Variants in CTNND2 observed in about 807,000 individuals in gnomAD.
CTNND2 encodes catenin delta 2.
Under a neutral mutation model 144.4 loss-of-function variants are expected in CTNND2, and 22 were observed. That is an observed-to-expected ratio of 0.15 (90% CI 0.11 to 0.22). The LOEUF is 0.22. Among genes scored for constraint, CTNND2 ranks in the 10% least tolerant of loss-of-function variants. The probability of loss-of-function intolerance (pLI) is 1.00; values close to 1 mark genes in which losing one functional copy is unlikely to be tolerated. For synonymous variants in CTNND2, 751 were observed against 695.6 expected (o/e 1.08, Z -1.25); for missense variants, 1,353 against 1,618.8 (o/e 0.84, Z 2.82).
In CTNND2 at chr5:11,247,257, T is replaced by C. The variant is rs572751504; in HGVS notation, c.1629-10434A>G. On this transcript the variant is annotated intron_variant, in intron 9 of 21. Transcript: ENST00000304623. ...TCAGCCCCAGCAGGGACAGAGGGTG[T>C]TGAGAAGCACGGGCAGTCTGGATGC... is the stretch of plus-strand genomic sequence containing the variant. 6.6e-5 allele frequency among the ~76,000 whole-genome samples: 10 copies of C among 152,192 alleles called. 1 individual carries two copies. In the East Asian group the frequency reaches 1.9e-3, roughly 29 times the overall value.
chr5:11,296,549 C>T (rs542119555), intron 9 of CTNND2, among the ~76,000 whole-genome samples: 4 of 152,254 alleles, frequency 2.6e-5, no homozygotes, highest in African/African-American at 7.2e-5. Context: ...TTTACTGCGG[C>T]ACTATTCACA....
intron 3 of CTNND2, among the ~76,000 whole-genome samples, chr5:11,563,369 T>G (rs1314689855): frequency 6.6e-6 from 1 of 152,234 alleles, no homozygotes; most frequent in East Asian, 1.9e-4. Context: ...GCTTTTCAAG[T>G]GTTCAGCTTT....
intron 10 of CTNND2, among the ~76,000 whole-genome samples, chr5:11,226,282 G>C (rs887914622): frequency 2.6e-5 from 4 of 152,300 alleles, no homozygotes; most frequent in African/African-American, 9.6e-5. Context: ...ACTTCTCAGA[G>C]ATGGCTTTCC....
At chr5:11,379,858 T>C (rs1261829993) in intron 7 of CTNND2, among the ~76,000 whole-genome samples, 1 of 152,162 alleles carries the variant, frequency 6.6e-6, no homozygotes, top group Non-Finnish European at 1.5e-5. Context: ...GCTAAGTCCA[T>C]TACAGTGGGA....
intron 12 of CTNND2, among the ~76,000 whole-genome samples, chr5:11,140,698 A>G (rs1390004740): frequency 6.6e-6 from 1 of 152,202 alleles, no homozygotes; most frequent in African/African-American, 2.4e-5. Context: ...TGTGCAATGG[A>G]AAGAAGGATC....
Position 11,526,425 on chromosome 5 carries a change from G to A in CTNND2, c.287+38519C>T, listed in dbSNP as rs152780. 8.9e-3 allele frequency among the ~76,000 whole-genome samples: 1,349 copies of A among 152,210 alleles called. 13 individuals are homozygous for A. Among genetic ancestry groups the A allele is most frequent in the African/African-American group, 0.024 (988 of 41,526 alleles). On this transcript the variant is annotated intron_variant, in intron 3 of 21. Transcript: ENST00000304623. ...CAAGTCGCAGTTTCCGGAACCTATC[G>A]ATGACGTTAAGTGTGCACCTGCTGT...
chr5:11,842,049 G>T (rs2400099), intron 1 of CTNND2, among the ~76,000 whole-genome samples: 8,601 of 152,016 alleles, frequency 0.057, 755 homozygotes, highest in African/African-American at 0.19. Flanking sequence ...TTCCACACTG[G>T]CTGATCTTGT....
intron 1 of CTNND2, among the ~76,000 whole-genome samples, chr5:11,897,899 G>A (rs1378581083): frequency 2.6e-5 from 4 of 152,304 alleles, no homozygotes; most frequent in Non-Finnish European, 4.4e-5. Context: ...TCAGGCAAAG[G>A]GAACTTAATT....
chr5:11,579,757 CT>C (rs1778271590), intron 2 of CTNND2, among the ~76,000 whole-genome samples: 1 of 152,126 alleles, frequency 6.6e-6, no homozygotes. Context: ...TTGTTTATGC[CT>C]TTTTAGGAAC....
intron 9 of CTNND2, among the ~76,000 whole-genome samples, chr5:11,294,177 CA>C (rs34764407): frequency 0.6 from 80,337 of 132,998 alleles, 23,047 homozygotes; most frequent in East Asian, 0.82. Context: ...GTCACAATCT[CA>C]AAAAAAAAAA....
intron 2 of CTNND2, among the ~76,000 whole-genome samples, chr5:11,634,644 G>A (rs1198090503): frequency 6.6e-6 from 1 of 152,146 alleles, no homozygotes; most frequent in Non-Finnish European, 1.5e-5. Flanking sequence ...GTAGGTGGCA[G>A]TTGCACAAAA....
At chr5:11,421,506 A>T (rs1360108839) in intron 3 of CTNND2, among the ~76,000 whole-genome samples, 1 of 152,196 alleles carries the variant, frequency 6.6e-6, no homozygotes, top group East Asian at 1.9e-4. Flanking sequence ...CATGTTGTTC[A>T]AATGGCTTAT....
intron 1 of CTNND2, among the ~76,000 whole-genome samples, chr5:11,799,508 A>C (rs115145078): frequency 7.2e-5 from 11 of 152,118 alleles, no homozygotes; most frequent in African/African-American, 2.4e-4. Context: ...GCTTTTTATC[A>C]ACTTCTACTC....
At chr5:11,239,938 G>A (rs1441929988) in intron 9 of CTNND2, among the ~76,000 whole-genome samples, 2 of 152,168 alleles carry the variant, frequency 1.3e-5, no homozygotes. Flanking sequence ...GGTCATCTTT[G>A]TCAGCTGGCT....
intron 10 of CTNND2, among the ~76,000 whole-genome samples, chr5:11,213,990 T>C (rs1156244480): frequency 1.3e-5 from 2 of 152,202 alleles, no homozygotes; most frequent in Non-Finnish European, 2.9e-5. Context: ...AATTTAAAGC[T>C]TGTAGCGTTA....
rs1376973434 is a variant in CTNND2 at position 11,030,919 on chromosome 5, TG to T, written c.2789-7941del. ...CAGATTCTTCCTCTTTTCCAGGGTT[TG>T]TAATTTTTTGTTTTTGTTTTGTTTT... On this transcript the variant is annotated intron_variant, in intron 16 of 21. Transcript: ENST00000304623. 4.6e-5 allele frequency among the ~76,000 whole-genome samples: 7 copies of T among 152,276 alleles called. No homozygotes were observed. The East Asian group carries it at 1.4e-3, about 29-fold the overall frequency.
At chr5:11,699,930 T>C (rs116590557) in intron 2 of CTNND2, among the ~76,000 whole-genome samples, 1,726 of 152,330 alleles carry the variant, frequency 0.011, 31 homozygotes, top group African/African-American at 0.04. Flanking sequence ...TCTTTTGTAG[T>C]AGAGGGAGTC....
intron 11 of CTNND2, among the ~76,000 whole-genome samples, chr5:11,194,966 C>A (rs189736589): frequency 6.6e-6 from 1 of 152,056 alleles, no homozygotes; most frequent in African/African-American, 2.4e-5. Flanking sequence ...TGAATTCTTT[C>A]AGAACATATG....
chr5:11,153,299 A>G (rs1757918868), intron 12 of CTNND2, among the ~76,000 whole-genome samples: 1 of 152,166 alleles, frequency 6.6e-6, no homozygotes, highest in Non-Finnish European at 1.5e-5. Flanking sequence ...TTCAGCTGAC[A>G]CATGCCCCTC....
Sources: allele counts gnomAD v4.1 joint callset (sites outside exome capture counted in the v4.1 genomes callset), GRCh38; gene constraint gnomAD v4.1.1; transcripts MANE v1.5; gene names NCBI Gene and HGNC (gene_info 2026-07-23, HGNC 2026-07-21).